The following STK3 variants were observed in gnomAD, a reference collection of about 807,000 sequenced individuals.
STK3 encodes the protein serine/threonine-protein kinase 3.
A neutral mutation model predicts 58.0 loss-of-function variants in STK3; 41 were observed. That is an observed-to-expected ratio of 0.71 (90% CI 0.55 to 0.92). STK3 has a LOEUF of 0.92. STK3 is among the 40% of genes least tolerant of loss of function. The probability of loss-of-function intolerance (pLI) is 0.00; values close to 1 mark genes in which losing one functional copy is unlikely to be tolerated. For missense variants in STK3, 479 were observed against 602.7 expected (o/e 0.79, Z 2.15); for synonymous variants, 170 against 191.0 (o/e 0.89, Z 0.91).
At position 98,931,613 on chromosome 8, in the gene STK3, G is replaced by A. The variant is rs184635432; in HGVS notation, c.-79+10765C>T. On this transcript the variant is annotated intron_variant, in intron 1 of 1. Coordinates refer to the STK3 transcript ENST00000519420. ...TAATGAGGTAACAGTGAACAGCCAG[G>A]AGAGGCACTGGCTTTTGATAACAGC... 9.8e-5 allele frequency among the ~76,000 whole-genome samples: 15 copies of A among 152,332 alleles called. No individual in the cohort carries two copies. In the East Asian group the frequency reaches 2.9e-3, roughly 29 times the overall value.
intron 3 of STK3, among the ~76,000 whole-genome samples, chr8:98,403,007 T>A (rs1473312142): frequency 1.3e-5 from 2 of 152,158 alleles, no homozygotes; most frequent in African/African-American, 4.8e-5. Context: ...TTCTTGGGCC[T>A]TGCACTAATT....
intron 3 of STK3, among the ~76,000 whole-genome samples, chr8:98,420,420 TCTTA>T (rs1343356345): frequency 6.6e-6 from 1 of 152,228 alleles, no homozygotes; most frequent in Non-Finnish European, 1.5e-5. Context: ...ATTGTTCATC[TCTTA>T]CTGTGTCTAA....
intron 6 of STK3, among the ~76,000 whole-genome samples, chr8:98,655,176 C>T (rs1162480341): frequency 7.4e-4 from 112 of 151,898 alleles, no homozygotes; most frequent in African/African-American, 2.1e-3. Context: ...TCAGAAATAA[C>T]GCCGCATACC....
At chr8:98,359,235 C>A in the STK3 span, among the ~76,000 whole-genome samples, 1 of 149,124 alleles carries the variant, frequency 6.7e-6, no homozygotes, top group Non-Finnish European at 1.5e-5. Flanking sequence ...GTGCCGGGCG[C>A]GGTGGCTCAC....
At position 98,803,593 on chromosome 8, in the gene STK3, C is replaced by CAA. The variant is rs34316563; in HGVS notation, c.26+21920_26+21921dup. On this transcript the variant is annotated intron_variant, in intron 1 of 10. Coordinates refer to ENST00000419617, the MANE Select transcript of STK3 (RefSeq NM_006281.4). ...TGGGCAACAGAGTGAGACTCTGTTT[C>CAA]AAAAAAAAAAAAAAAGAAAAAAAAA... 1.1e-3 allele frequency among the ~76,000 whole-genome samples: 41 copies of CAA among 38,812 alleles called. 2 individuals are homozygous for CAA. The highest frequency in any genetic ancestry group is 1.9e-3 in the African/African-American group (15 of 7,898). 25.5% of individuals were successfully genotyped at this position (38,812 alleles called of 152,430 possible). A position where few individuals can be genotyped will look rare whatever the true frequency, so the allele number is the denominator to read the frequency against.
downstream of STK3, among the ~76,000 whole-genome samples, chr8:98,400,396 A>G (rs1260125851): frequency 6.6e-6 from 1 of 152,230 alleles, no homozygotes; most frequent in African/African-American, 2.4e-5. Flanking sequence ...GGCAGGTGAC[A>G]TGTAGACACA....
intron 1 of STK3, among the ~76,000 whole-genome samples, chr8:98,932,554 G>T (rs1310805693): frequency 6.6e-6 from 1 of 152,192 alleles, no homozygotes; most frequent in Non-Finnish European, 1.5e-5. Context: ...ATGAATCAGA[G>T]GAAAGTGATT....
downstream of STK3, among the ~76,000 whole-genome samples, chr8:98,397,491 A>G (rs1817906487): frequency 6.6e-6 from 1 of 152,138 alleles, no homozygotes; most frequent in Non-Finnish European, 1.5e-5. Context: ...AGCCGTGATC[A>G]TGACACTGCA....
At chr8:98,654,105 T>C (rs992896202) in intron 6 of STK3, among the ~76,000 whole-genome samples, 2 of 152,128 alleles carry the variant, frequency 1.3e-5, no homozygotes, top group African/African-American at 4.8e-5. Context: ...ACAAACCGCA[T>C]CCAGCAGCAC....
intron 8 of STK3, among the ~76,000 whole-genome samples, chr8:98,559,602 C>T (rs1563739258): frequency 6.6e-6 from 1 of 152,100 alleles, no homozygotes; most frequent in Non-Finnish European, 1.5e-5. Flanking sequence ...TCCTAATTTG[C>T]CTGAGTTCTC....
chr8:98,617,971 G>A (rs1289497355), intron 6 of STK3, among the ~76,000 whole-genome samples: 1 of 152,170 alleles, frequency 6.6e-6, no homozygotes, highest in African/African-American at 2.4e-5. Flanking sequence ...TAGGAGGCCA[G>A]CATCATTCTG....
intron 6 of STK3, among the ~76,000 whole-genome samples, chr8:98,666,494 T>C (rs932606166): frequency 2.1e-4 from 32 of 152,194 alleles, no homozygotes; most frequent in Admixed American, 2.0e-3. Context: ...TAAATATTTC[T>C]ATAACAGAAT....
chr8:98,404,447 G>A (rs377584080), intron 3 of STK3, among the ~76,000 whole-genome samples: 7 of 152,136 alleles, frequency 4.6e-5, no homozygotes, highest in East Asian at 1.9e-4. Flanking sequence ...TTGGGAGGCC[G>A]AGACGGGTGG....
intron 1 of STK3, among the ~76,000 whole-genome samples, chr8:98,379,930 A>G (rs1352394080): frequency 6.6e-6 from 1 of 152,238 alleles, no homozygotes; most frequent in African/African-American, 2.4e-5. Context: ...GATGAAGAAA[A>G]TGTGGTAATT....
intron 6 of STK3, among the ~76,000 whole-genome samples, chr8:98,648,775 C>T (rs1220466013): frequency 1.3e-5 from 2 of 151,998 alleles, no homozygotes; most frequent in Non-Finnish European, 2.9e-5. Context: ...ACCTGTAGTC[C>T]CAGCTACTCG....
At position 98,813,752 on chromosome 8, in the gene STK3, T is replaced by C. The variant is rs188276935; in HGVS notation, c.26+11763A>G. Among the ~76,000 whole-genome samples, 1,324 of 152,298 alleles carry C rather than the reference T, an allele frequency of 8.7e-3. 12 individuals are homozygous for C. Among genetic ancestry groups the C allele is most frequent in the African/African-American group, 0.03 (1,247 of 41,554 alleles). On this transcript the variant is annotated intron_variant, in intron 1 of 10. Transcript: ENST00000419617. ...TACAAAATTAACAAACACTGCAACATACTCCCTATCCCTAAGACATGTTAT... is the reference window on the plus strand; with the variant it reads ...TACAAAATTAACAAACACTGCAACACACTCCCTATCCCTAAGACATGTTAT...
intron 1 of STK3, among the ~76,000 whole-genome samples, chr8:98,887,484 A>AGATTT (rs1838035464): frequency 6.6e-6 from 1 of 152,230 alleles, no homozygotes; most frequent in Non-Finnish European, 1.5e-5. Flanking sequence ...GTGAATCTAT[A>AGATTT]ATGGCTTCAA....
intron 3 of STK3, among the ~76,000 whole-genome samples, chr8:98,839,720 G>A (rs993801348): frequency 7.4e-4 from 112 of 152,198 alleles, no homozygotes; most frequent in African/African-American, 2.6e-3. Flanking sequence ...TTTAAACTAC[G>A]ATTTCAATCT....
chr8:98,444,479 C>T (rs1818849386), intron 1 of STK3, among the ~76,000 whole-genome samples: 1 of 152,118 alleles, frequency 6.6e-6, no homozygotes, highest in Non-Finnish European at 1.5e-5. Flanking sequence ...TAAGGGGCTG[C>T]TGTGATATTC....
Sources: allele counts gnomAD v4.1 joint callset (sites outside exome capture counted in the v4.1 genomes callset), GRCh38; gene constraint gnomAD v4.1.1; transcripts MANE v1.5; gene names NCBI Gene and HGNC (gene_info 2026-07-23, HGNC 2026-07-21).